The following SRSF11 variants were observed in gnomAD, a reference collection of about 807,000 sequenced individuals.
SRSF11 encodes the protein serine and arginine rich splicing factor 11.
In SRSF11, 9 loss-of-function variants were observed where a neutral mutation model predicts 56.0. That is an observed-to-expected ratio of 0.16 (90% confidence interval 0.10 to 0.28). SRSF11 has a LOEUF of 0.28. Among genes scored for constraint, SRSF11 ranks in the 10% least tolerant of loss-of-function variants. The pLI is 1.00. For missense variants in SRSF11, 421 were observed against 600.7 expected, an observed-to-expected ratio of 0.70 and a Z score of 3.13; for synonymous variants, 222 against 215.3, an observed-to-expected ratio of 1.03 and a Z score of -0.27.
At chr1:70,240,941 T>C (rs752944133) in intron 7 of SRSF11, among the ~76,000 whole-genome samples, 8 of 151,692 alleles carry the variant, frequency 5.3e-5, no homozygotes, top group Non-Finnish European at 1.0e-4. Context: ...CCTGGCTGAT[T>C]TTGTATTTTT....
At chr1:70,246,951 TG>T in intron 9 of SRSF11, 44 bp downstream of exon 9, 2 of 1,516,170 alleles carry the variant, frequency 1.3e-6, no homozygotes, top group Non-Finnish European at 1.8e-6. Context: ...TTTTTAACTT[TG>T]CTTCTAACAG....
rs1558246786 is a variant in SRSF11 at position 70,252,651 on chromosome 1, CAA to C, written c.*1848_*1849del. 6.6e-6 allele frequency: 1 copy of C among 151,954 alleles called. No individual in the cohort carries two copies. The highest frequency in any genetic ancestry group is 1.5e-5 in the Non-Finnish European group (1 of 67,930). 9.4% of individuals were successfully genotyped at this position (151,954 alleles called of 1,614,324 possible). A position where few individuals can be genotyped will look rare whatever the true frequency, so the allele number is the denominator to read the frequency against. ...TCCTAATCACTGCATTTTTAAAAAA[CAA>C]AGTTCAACACAAATGACATTTGTTT... On this transcript the variant is annotated 3_prime_UTR_variant, in exon 12 of 12. Transcript: ENST00000370949.
rs182146721 is a variant in SRSF11, at chr1:70,246,199, C to G, written c.933-619C>G. 2.8e-4 allele frequency among the ~76,000 whole-genome samples: 43 copies of G among 151,456 alleles called. 1 individual carries two copies. The East Asian group carries it at 6.4e-3, about 23-fold the overall frequency. On this transcript the variant is annotated intron_variant, in intron 8 of 11. Coordinates refer to ENST00000370949, the MANE Select transcript of SRSF11 (RefSeq NM_001350605.2). The stretch of plus-strand genomic sequence containing the variant: ...CGTTTATCTACTCTTTGCTTAGAGT[C>G]TTGGGGAGAATGATGATCTTGGGGA...
chr1:70,215,344 A>G (rs985005951), intron 1 of SRSF11, among the ~76,000 whole-genome samples: 1 of 152,238 alleles, frequency 6.6e-6, no homozygotes, highest in African/African-American at 2.4e-5. Context: ...TGGAACAAAT[A>G]CATACCATCT....
chr1:70,208,325 G>GGTGTGT (rs112343589), intron 1 of SRSF11, among the ~76,000 whole-genome samples: 12,831 of 148,686 alleles, frequency 0.086, 684 homozygotes, highest in East Asian at 0.29. Context: ...TACAGTGTAT[G>GGTGTGT]GTGTGTGTGT....
At chr1:70,209,352 A>G (rs1357526524) in intron 1 of SRSF11, among the ~76,000 whole-genome samples, 3 of 152,196 alleles carry the variant, frequency 2.0e-5, no homozygotes, top group Non-Finnish European at 2.9e-5. Context: ...AGCAAAGTGT[A>G]TTTGTTTTGC....
chr1:70,242,288 C>T (rs1675626145), intron 7 of SRSF11, among the ~76,000 whole-genome samples: 1 of 151,860 alleles, frequency 6.6e-6, no homozygotes, highest in Admixed American at 6.6e-5. Context: ...AAATATGTCC[C>T]TGAATCCAGA....
upstream of SRSF11, among the ~76,000 whole-genome samples, chr1:70,216,784 A>T (rs147901007): frequency 2.8e-4 from 43 of 152,286 alleles, no homozygotes; most frequent in African/African-American, 1.0e-3. Flanking sequence ...TATAACTAGA[A>T]GCTTTCCCTT....
chr1:70,234,563 T>C (rs1673532927), intron 3 of SRSF11, 133 bp from the exon 4 acceptor site: 2 of 600,122 alleles, frequency 3.3e-6, no homozygotes, highest in South Asian at 2.6e-5. Flanking sequence ...TGTGTACAAC[T>C]GAGGAGTTGT....
At chr1:70,231,312 G>C (rs1219252151) in intron 2 of SRSF11, 1 of 1,159,478 alleles carries the variant, frequency 8.6e-7, no homozygotes, top group Non-Finnish European at 1.1e-6. Context: ...TTGGGGGCTT[G>C]GGCACATTAA....
At chr1:70,242,027 T>C (rs1571883552) in intron 7 of SRSF11, among the ~76,000 whole-genome samples, 1 of 151,776 alleles carries the variant, frequency 6.6e-6, no homozygotes, top group Non-Finnish European at 1.5e-5. Flanking sequence ...ATCAGCTGGG[T>C]GTGGTGGCGC....
chr1:70,248,284 G>T, intron 9 of SRSF11: 1 of 152,082 alleles, frequency 6.6e-6, no homozygotes, highest in East Asian at 1.9e-4. Flanking sequence ...AAACAGAATG[G>T]TATATCTATA....
intron 6 of SRSF11, among the ~76,000 whole-genome samples, 159 bp downstream of exon 6, chr1:70,237,711 A>G (rs951867896): frequency 2.0e-5 from 3 of 152,230 alleles, no homozygotes; most frequent in African/African-American, 4.8e-5. Flanking sequence ...TTTGGAGACA[A>G]TTCTGGTGGT....
chr1:70,209,846 G>A (rs1178290593), intron 1 of SRSF11, among the ~76,000 whole-genome samples: 1 of 131,480 alleles, frequency 7.6e-6, no homozygotes, highest in African/African-American at 2.9e-5. Flanking sequence ...CAGCCCACCT[G>A]CCCTGGCCTC....
chr1:70,225,773 C>T (rs545949750), intron 1 of SRSF11, among the ~76,000 whole-genome samples: 1 of 152,236 alleles, frequency 6.6e-6, no homozygotes, highest in South Asian at 2.1e-4. Flanking sequence ...ACTCACTTTA[C>T]CCTATCTTGT....
chr1:70,214,264 A>G (rs906754339), intron 1 of SRSF11, among the ~76,000 whole-genome samples: 5 of 152,166 alleles, frequency 3.3e-5, no homozygotes, highest in Non-Finnish European at 7.4e-5. Flanking sequence ...AGAATCTTTT[A>G]TAACATAGAA....
At chr1:70,225,663 C>G (rs1671617998) in intron 1 of SRSF11, among the ~76,000 whole-genome samples, 1 of 152,132 alleles carries the variant, frequency 6.6e-6, no homozygotes, top group African/African-American at 2.4e-5. Flanking sequence ...GGTTTTCTCT[C>G]TGTAGTCTAG....
chr1:70,237,018 A>G (rs2100827817), intron 5 of SRSF11, among the ~76,000 whole-genome samples: 1 of 151,698 alleles, frequency 6.6e-6, no homozygotes, highest in South Asian at 2.1e-4. Flanking sequence ...CGATCTCCTG[A>G]CCTCGTGATC....
intron 6 of SRSF11, 85 bp downstream of exon 6, chr1:70,237,637 C>A: frequency 6.5e-7 from 1 of 1,541,968 alleles, no homozygotes; most frequent in Non-Finnish European, 8.8e-7. Context: ...GAGTGACACC[C>A]TAGTCGTTTA....
Sources: allele counts gnomAD v4.1 joint callset (sites outside exome capture counted in the v4.1 genomes callset), GRCh38; gene constraint gnomAD v4.1.1; transcripts MANE v1.5; gene names NCBI Gene and HGNC (gene_info 2026-07-23, HGNC 2026-07-21).